The following BMPER variants were observed in gnomAD, a reference collection of about 807,000 sequenced individuals.
The protein encoded by BMPER is BMP binding endothelial regulator.
A neutral mutation model predicts 87.3 loss-of-function variants in BMPER; 45 were observed. That is an observed-to-expected ratio of 0.52 (90% CI 0.41 to 0.66). The LOEUF (loss-of-function observed/expected upper bound fraction) is 0.66. Among genes scored for constraint, BMPER ranks in the 30% least tolerant of loss-of-function variants. The pLI is 0.00. For missense variants in BMPER, 784 were observed against 867.5 expected, an observed-to-expected ratio of 0.90 and a Z score of 1.21; for synonymous variants, 326 against 316.2, an observed-to-expected ratio of 1.03 and a Z score of -0.33.
At chr7:33,955,707 G>T (rs1402568652) in intron 3 of BMPER, among the ~76,000 whole-genome samples, 1 of 152,158 alleles carries the variant, frequency 6.6e-6, no homozygotes, top group Non-Finnish European at 1.5e-5. Context: ...TGTAGACATA[G>T]ACAAGCTTAT....
At chr7:33,982,500 GA>G (rs758951071) in intron 6 of BMPER, among the ~76,000 whole-genome samples, 286 of 134,388 alleles carry the variant, frequency 2.1e-3, no homozygotes, top group Middle Eastern at 8.0e-3. Context: ...ACAGTCAATT[GA>G]AAAAAAAAAA....
rs527362634 is a variant in BMPER, at chr7:33,987,456, C to T, written c.576+12672C>T. Among the ~76,000 whole-genome samples the T allele has an allele frequency of 6.6e-5, 10 of 152,302 alleles. No individual in the cohort carries two copies. In the South Asian group the frequency reaches 1.9e-3, roughly 28 times the overall value. ...CTTCTCAAGCCCATCTCTGAGCCTA[C>T]ACTGAGTCATACGCAGTGACTCATC... On this transcript the variant is annotated intron_variant, in intron 6 of 14. Transcript: ENST00000649409.
intron 11 of BMPER, among the ~76,000 whole-genome samples, chr7:34,070,816 C>CTTTTTTTTTTT (rs60588204): frequency 8.4e-6 from 1 of 119,502 alleles, no homozygotes. Flanking sequence ...AGCGGCAGAG[C>CTTTTTTTTTTT]TTTTTTTTTT....
intron 13 of BMPER, among the ~76,000 whole-genome samples, chr7:34,137,541 A>G: frequency 6.6e-6 from 1 of 152,234 alleles, no homozygotes; most frequent in East Asian, 1.9e-4. Flanking sequence ...CCCCGGAAAG[A>G]AAAGAGATGA....
intron 2 of BMPER, among the ~76,000 whole-genome samples, chr7:33,927,560 T>C (rs565900282): frequency 1.3e-5 from 2 of 152,214 alleles, no homozygotes; most frequent in Non-Finnish European, 2.9e-5. Context: ...TCTTCCTATA[T>C]TGCAGTAAGT....
intron 3 of BMPER, among the ~76,000 whole-genome samples, chr7:33,959,222 C>CT (rs1554299835): frequency 6.6e-6 from 1 of 152,172 alleles, no homozygotes; most frequent in South Asian, 2.1e-4. Flanking sequence ...TGTGAAAACT[C>CT]TAAGTTCAAT....
chr7:33,993,343 C>T (rs1364229606), intron 6 of BMPER, among the ~76,000 whole-genome samples: 104 of 152,074 alleles, frequency 6.8e-4, no homozygotes, highest in African/African-American at 2.3e-3. Flanking sequence ...CTCTAAACTT[C>T]CCTTCTCGCT....
chr7:33,990,939 A>G (rs1302181482), intron 6 of BMPER, among the ~76,000 whole-genome samples: 11 of 123,698 alleles, frequency 8.9e-5, no homozygotes, highest in Non-Finnish European at 1.0e-4. Flanking sequence ...CATATATTGA[A>G]CCAGCCTTGC....
chr7:34,003,484 GA>G (rs1370338744), intron 6 of BMPER, among the ~76,000 whole-genome samples: 2 of 151,566 alleles, frequency 1.3e-5, no homozygotes, highest in African/African-American at 2.4e-5. Flanking sequence ...AAATCCTGTA[GA>G]AAAAAAATTA....
At chr7:33,938,776 A>G (rs1784675486) in intron 3 of BMPER, among the ~76,000 whole-genome samples, 1 of 152,206 alleles carries the variant, frequency 6.6e-6, no homozygotes, top group South Asian at 2.1e-4. Flanking sequence ...CTGTAATCCC[A>G]GCACTTTGGG....
At chr7:34,135,905 C>T (rs904379603) in intron 13 of BMPER, among the ~76,000 whole-genome samples, 2 of 152,038 alleles carry the variant, frequency 1.3e-5, no homozygotes, top group South Asian at 2.1e-4. Flanking sequence ...AAAGCTGAAC[C>T]GGAGATAACT....
At chr7:34,007,502 C>T (rs187939650) in intron 6 of BMPER, among the ~76,000 whole-genome samples, 62 of 151,928 alleles carry the variant, frequency 4.1e-4, no homozygotes, top group African/African-American at 1.5e-3. Context: ...GCATTTACAG[C>T]CATAAGCATG....
intron 6 of BMPER, among the ~76,000 whole-genome samples, chr7:34,014,444 G>A (rs181440532): frequency 1.5e-4 from 23 of 152,078 alleles, no homozygotes; most frequent in Admixed American, 1.5e-3. Context: ...TGTGCCCTGT[G>A]AATGCATGCG....
chr7:34,145,799 C>T (rs1011154522), intron 14 of BMPER, among the ~76,000 whole-genome samples: 1 of 152,182 alleles, frequency 6.6e-6, no homozygotes, highest in East Asian at 1.9e-4. Flanking sequence ...CAGAGCTATA[C>T]TTAGCACCAT....
At chr7:34,079,601 C>T (rs1296235904) in intron 12 of BMPER, among the ~76,000 whole-genome samples, 1 of 152,214 alleles carries the variant, frequency 6.6e-6, no homozygotes, top group Non-Finnish European at 1.5e-5. Context: ...AGTTTCACAT[C>T]TGGGAGAAAT....
intron 6 of BMPER, among the ~76,000 whole-genome samples, chr7:34,027,329 A>G (rs1787384162): frequency 6.6e-6 from 1 of 152,138 alleles, no homozygotes; most frequent in Non-Finnish European, 1.5e-5. Context: ...ACAGAGCAAG[A>G]CAATGACATG....
intron 2 of BMPER, among the ~76,000 whole-genome samples, chr7:33,934,856 A>G (rs1306553221): frequency 6.6e-6 from 1 of 152,206 alleles, no homozygotes; most frequent in Non-Finnish European, 1.5e-5. Flanking sequence ...TGAATGCATA[A>G]AGCCATACAG....
chr7:34,113,932 G>A (rs528831802), intron 13 of BMPER, among the ~76,000 whole-genome samples: 1 of 152,138 alleles, frequency 6.6e-6, no homozygotes, highest in African/African-American at 2.4e-5. Context: ...TCTTCTTCCA[G>A]TGGTTTTAAG....
chr7:34,062,464 C>T (rs1348045605), intron 11 of BMPER, among the ~76,000 whole-genome samples: 8 of 152,222 alleles, frequency 5.3e-5, no homozygotes, highest in Non-Finnish European at 1.2e-4. Flanking sequence ...CCTGCTCCCT[C>T]ACCCCACCCC....
Sources: gnomAD v4.1 joint callset for allele counts (sites outside exome capture counted in the v4.1 genomes callset) on GRCh38, gnomAD v4.1.1 for gene constraint, MANE v1.5 for transcripts, NCBI Gene and HGNC (gene_info 2026-07-23, HGNC 2026-07-21) for gene names.